The following RBFOX3 variants were observed in gnomAD, a reference collection of about 807,000 sequenced individuals.
RBFOX3 encodes RNA binding fox-1 homolog 3.
RBFOX3 carries 17 observed loss-of-function variants against 48.7 expected under a neutral mutation model. The ratio of observed to expected loss-of-function variants is 0.35; its 90% CI spans 0.24 to 0.52. RBFOX3 has a LOEUF of 0.52. RBFOX3 is among the 20% of genes least tolerant of loss of function. The pLI is 0.94. For synonymous variants in RBFOX3, 212 were observed against 209.5 expected (o/e 1.01, Z -0.10); for missense variants, 382 against 497.5 (o/e 0.77, Z 2.21).
At chr17:79,135,287 A>G (rs1236236493) in intron 4 of RBFOX3, among the ~76,000 whole-genome samples, 1 of 151,994 alleles carries the variant, frequency 6.6e-6, no homozygotes, top group African/African-American at 2.4e-5. Context: ...GGTCCTGGGG[A>G]GGTGAGATGG....
chr17:79,551,630 G>C (rs2091168954), intron 1 of RBFOX3, among the ~76,000 whole-genome samples: 2 of 152,096 alleles, frequency 1.3e-5, no homozygotes, highest in South Asian at 4.2e-4. Context: ...TGGGTCATGG[G>C]GGCGGATCCC....
At chr17:79,612,041 G>C (rs2093973459), upstream of RBFOX3, among the ~76,000 whole-genome samples, 1 of 152,188 alleles carries the variant, frequency 6.6e-6, no homozygotes, top group Non-Finnish European at 1.5e-5. Context: ...ACACAGTGGA[G>C]TGGGGACCCT....
chr17:79,417,998 G>A (rs1162711172), intron 2 of RBFOX3, among the ~76,000 whole-genome samples: 3 of 152,208 alleles, frequency 2.0e-5, no homozygotes, highest in Non-Finnish European at 4.4e-5. Flanking sequence ...CCACTCATGT[G>A]AGGTCCTTAG....
intron 3 of RBFOX3, among the ~76,000 whole-genome samples, chr17:79,304,095 C>A (rs1414512952): frequency 6.6e-6 from 1 of 152,148 alleles, no homozygotes; most frequent in African/African-American, 2.4e-5. Context: ...TAATCATTTT[C>A]TAACTCCTGT....
At position 79,363,772 on chromosome 17, in the gene RBFOX3, C is replaced by T. The variant is rs1156406317; in HGVS notation, c.-174-55948G>A. On this transcript the variant is annotated intron_variant, in intron 2 of 14. Coordinates refer to ENST00000693108, the MANE Select transcript of RBFOX3 (RefSeq NM_001350451.2). This position sits in a 1 kb window ranked among gnomAD's most constrained non-coding sequence, Gnocchi z 4.7. Reference sequence around the variant, plus strand: ...CATGCTCAGCCCGTCCGCCCCCCAGCAGCCTGGGTCTGACTGAGGAAGGTC... The same window carrying T: ...CATGCTCAGCCCGTCCGCCCCCCAGTAGCCTGGGTCTGACTGAGGAAGGTC... 6.6e-6 allele frequency among the ~76,000 whole-genome samples: 1 copy of T among 152,142 alleles called. No homozygotes were observed. The highest frequency in any genetic ancestry group is 1.9e-4 in the East Asian group (1 of 5,182).
rs927373090 is a variant in RBFOX3 at position 79,274,685 on chromosome 17, C to T, written c.-74+33039G>A. Among the ~76,000 whole-genome samples, 8 of 152,048 alleles carry T rather than the reference C, an allele frequency of 5.3e-5. No individual in the cohort carries two copies. The South Asian group carries it at 1.7e-3, about 32-fold the overall frequency. On this transcript the variant is annotated intron_variant, in intron 3 of 14. Transcript: ENST00000693108. ...CCCTCATCCCCCAAGAGGCTGGGGGCACAGACGTCTCCACCTGGCTCACTC... is the reference window on the plus strand; with the variant it reads ...CCCTCATCCCCCAAGAGGCTGGGGGTACAGACGTCTCCACCTGGCTCACTC...
chr17:79,368,928 G>A (rs556958342), intron 2 of RBFOX3, among the ~76,000 whole-genome samples: 2 of 152,244 alleles, frequency 1.3e-5, no homozygotes, highest in African/African-American at 2.4e-5. Flanking sequence ...GCCCACACAG[G>A]GCCCATGACA....
chr17:79,470,847 AG>A (rs2076974660), intron 2 of RBFOX3, among the ~76,000 whole-genome samples: 1 of 152,196 alleles, frequency 6.6e-6, no homozygotes. Flanking sequence ...CCAGTCCCTC[AG>A]GGGTACAGGT....
At chr17:79,304,437 A>ACG in intron 3 of RBFOX3, among the ~76,000 whole-genome samples, 1 of 148,424 alleles carries the variant, frequency 6.7e-6, no homozygotes, top group South Asian at 2.2e-4. Context: ...TTTGATATAT[A>ACG]TGTGTATATA....
At chr17:79,463,778 G>C (rs1282133233) in intron 2 of RBFOX3, among the ~76,000 whole-genome samples, 1 of 140,322 alleles carries the variant, frequency 7.1e-6, no homozygotes, top group Non-Finnish European at 1.5e-5. Context: ...CACTGCCACT[G>C]CCACCTCCAC....
At chr17:79,186,666 A>G (rs577073587) in intron 4 of RBFOX3, among the ~76,000 whole-genome samples, 2 of 117,998 alleles carry the variant, frequency 1.7e-5, no homozygotes, top group Non-Finnish European at 3.6e-5. Flanking sequence ...TCCAGTGCTA[A>G]TATTCACTAC....
chr17:79,446,288 C>T lies in RBFOX3; in HGVS notation c.-175+36166G>A, dbSNP rs571127622. On this transcript the variant is annotated intron_variant, in intron 2 of 14. Transcript: ENST00000693108. ...CACACGTCCAAAAATTCCAGCAGCT[C>T]CTCTCTCTGCTCTAAGCAGGACATG... Among the ~76,000 whole-genome samples, 28 of 152,310 alleles carry T rather than the reference C, an allele frequency of 1.8e-4. 1 individual carries two copies. In the South Asian group the frequency reaches 4.6e-3, roughly 25 times the overall value.
rs1370633293 is a variant in RBFOX3, at chr17:79,390,746, C to T, written c.-174-82922G>A. Among the ~76,000 whole-genome samples the T allele has an allele frequency of 6.6e-6, 1 of 152,158 alleles. No homozygotes were observed. Among genetic ancestry groups the T allele is most frequent in the Admixed American group, 6.5e-5 (1 of 15,278 alleles). On this transcript the variant is annotated intron_variant, in intron 2 of 14. Transcript: ENST00000693108. The surrounding 1 kb of genome is among the most constrained non-coding windows in gnomAD (Gnocchi z 4.2). ...CCCGTCTCGGCCTCCCAACGCATGG[C>T]CCATTCAAAGTTTGCCAGAGGCGAG...
At chr17:79,368,180 A>C (rs1486006879) in intron 2 of RBFOX3, among the ~76,000 whole-genome samples, 1 of 152,212 alleles carries the variant, frequency 6.6e-6, no homozygotes, top group Non-Finnish European at 1.5e-5. Context: ...GTTCTCTTAC[A>C]GAACAACTTT....
In RBFOX3 at chr17:79,524,742, G is replaced by A. The variant is rs1003176773; in HGVS notation, c.-319-42144C>T. Reference sequence around the variant, plus strand: ...GCATCTTCCAGCACATGGCTCTGCCGTGCAGCAGGTTTGTAAATGGAGCCC... The same window carrying A: ...GCATCTTCCAGCACATGGCTCTGCCATGCAGCAGGTTTGTAAATGGAGCCC... On this transcript the variant is annotated intron_variant, in intron 1 of 14. Coordinates refer to ENST00000693108, the MANE Select transcript of RBFOX3 (RefSeq NM_001350451.2). 3.2e-4 allele frequency among the ~76,000 whole-genome samples: 49 copies of A among 152,284 alleles called. 1 individual carries two copies. Among genetic ancestry groups the A allele is most frequent in the Middle Eastern group, 3.4e-3 (1 of 294 alleles).
In RBFOX3 at chr17:79,433,116, G is replaced by A. The variant is rs144091153; in HGVS notation, c.-175+49338C>T. ...CCACCAACACCAATGGGACACAGACGTCTCTGCAGGGAGACACGGTCACTC... is the reference window on the plus strand; with the variant it reads ...CCACCAACACCAATGGGACACAGACATCTCTGCAGGGAGACACGGTCACTC... On this transcript the variant is annotated intron_variant, in intron 2 of 14. Transcript: ENST00000693108. Among the ~76,000 whole-genome samples, 965 of 152,290 alleles carry A rather than the reference G, an allele frequency of 6.3e-3. 26 individuals carry two copies. The highest frequency in any genetic ancestry group is 0.049 in the Admixed American group (744 of 15,298).
At chr17:79,098,724 A>C (rs2075881813) in intron 9 of RBFOX3, 1 of 152,326 alleles carries the variant, frequency 6.6e-6, no homozygotes, top group Non-Finnish European at 1.5e-5. Context: ...GTTGGGCAGG[A>C]GGGCTTCTTG....
At chr17:79,661,960 C>T in the RBFOX3 span, among the ~76,000 whole-genome samples, 3 of 152,084 alleles carry the variant, frequency 2.0e-5, no homozygotes, top group African/African-American at 7.2e-5. Flanking sequence ...TAATTGTACC[C>T]TTTGATTGTG....
At chr17:79,441,795 C>T (rs977128529) in intron 2 of RBFOX3, among the ~76,000 whole-genome samples, 4 of 152,308 alleles carry the variant, frequency 2.6e-5, no homozygotes, top group Non-Finnish European at 4.4e-5. Context: ...AACACACACT[C>T]GTGGCCCACA....
Sources: gnomAD v4.1 joint callset for allele counts (sites outside exome capture counted in the v4.1 genomes callset) on GRCh38, gnomAD v4.1.1 for gene constraint, Gnocchi (gnomAD v3.1) non-coding constraint, MANE v1.5 for transcripts, NCBI Gene and HGNC (gene_info 2026-07-23, HGNC 2026-07-21) for gene names.